KLF9: variants seen among roughly 807,000 people sequenced by gnomAD.
KLF9 encodes the protein Krueppel-like factor 9.
A neutral mutation model predicts 17.3 loss-of-function variants in KLF9; 2 were observed. The ratio of observed to expected loss-of-function variants is 0.12; its 90% CI spans 0.05 to 0.36. The LOEUF (loss-of-function observed/expected upper bound fraction) is 0.36, where lower values mean the gene tolerates loss of function less well. KLF9 is among the 10% of genes least tolerant of loss of function. The pLI, the probability that KLF9 is intolerant of heterozygous loss-of-function variation, is 1.00. For synonymous variants in KLF9, 138 were observed against 139.2 expected, an observed-to-expected ratio of 0.99 and a Z score of 0.06; for missense variants, 226 against 333.2, an observed-to-expected ratio of 0.68 and a Z score of 2.51.
Position 70,387,723 on chromosome 9 carries a change from A to T in KLF9, c.*53T>A. On this transcript the variant is annotated 3_prime_UTR_variant, in exon 2 of 2. Coordinates refer to ENST00000377126, the MANE Select transcript of KLF9 (RefSeq NM_001206.4). Reference sequence around the variant, plus strand: ...AGTTTTCACGCGTCTGTTTCCTGGGAGTACTTTTCTCCTTTCGGGGTCCAT... The same window carrying T: ...AGTTTTCACGCGTCTGTTTCCTGGGTGTACTTTTCTCCTTTCGGGGTCCAT... 6.7e-7 allele frequency: 1 copy of T among 1,499,272 alleles called. No individual in the cohort carries two copies. The highest frequency in any genetic ancestry group is 9.3e-7 in the Non-Finnish European group (1 of 1,077,648). The allele number at this position is 1,499,272 out of a possible 1,614,324, so 92.9% of individuals were successfully genotyped here.
intron 1 of KLF9, among the ~76,000 whole-genome samples, chr9:70,388,563 AT>A (rs139527800): frequency 4.6e-5 from 7 of 152,082 alleles, no homozygotes; most frequent in African/African-American, 1.7e-4. Flanking sequence ...CCTGGAAAGT[AT>A]TTTTTCTGTT....
At position 70,407,999 on chromosome 9, in the gene KLF9, G is replaced by T. The variant is rs188493964; in HGVS notation, c.505+4860C>A. Among the ~76,000 whole-genome samples the T allele has an allele frequency of 7.9e-5, 12 of 152,236 alleles. No homozygotes were observed. In the East Asian group the frequency reaches 2.3e-3, roughly 29 times the overall value. The stretch of plus-strand genomic sequence containing the variant: ...ATTGGTTCTGTGACAGGTGAAAAAA[G>T]TCTTAGCTATTACAACGATTTGTCG... On this transcript the variant is annotated intron_variant, in intron 1 of 1. Coordinates refer to ENST00000377126, the MANE Select transcript of KLF9 (RefSeq NM_001206.4).
intron 1 of KLF9, among the ~76,000 whole-genome samples, chr9:70,401,395 T>A (rs1225154363): frequency 2.0e-5 from 3 of 151,350 alleles, no homozygotes; most frequent in African/African-American, 7.3e-5. Flanking sequence ...CTACTAAAAA[T>A]ACAAAAATTA....
intron 1 of KLF9, among the ~76,000 whole-genome samples, chr9:70,394,401 A>G (rs542015460): frequency 4.1e-4 from 62 of 152,238 alleles, no homozygotes; most frequent in Non-Finnish European, 7.3e-4. Context: ...ATCCCTAATA[A>G]AAGCTTTCAG....
In KLF9 at chr9:70,409,130, GTATACATATATA is replaced by G. The variant is rs1299481765; in HGVS notation, c.505+3717_505+3728del. 7.2e-4 allele frequency among the ~76,000 whole-genome samples: 38 copies of G among 52,992 alleles called. 2 individuals are homozygous for G. Among genetic ancestry groups the G allele is most frequent in the South Asian group, 4.2e-3 (7 of 1,660 alleles). 34.8% of individuals were successfully genotyped at this position (52,992 alleles called of 152,430 possible). ...TATATATATACATATATGTATATAT[GTATACATATATA>G]TGTATATGTATATATATACACATAT... On this transcript the variant is annotated intron_variant, in intron 1 of 1. Coordinates refer to ENST00000377126, the MANE Select transcript of KLF9 (RefSeq NM_001206.4).
In KLF9 at chr9:70,385,291, T is replaced by A. The variant is rs985199987; in HGVS notation, c.*2485A>T. ...AATCTAATTAGAATGCTGGTTCCTGTTTTGTGACATTTTAAAACAGGATTT... is the reference window on the plus strand; with the variant it reads ...AATCTAATTAGAATGCTGGTTCCTGATTTGTGACATTTTAAAACAGGATTT... On this transcript the variant is annotated 3_prime_UTR_variant, in exon 2 of 2. Transcript: ENST00000377126. The A allele has an allele frequency of 6.6e-6, 1 of 152,632 alleles. No individual in the cohort carries two copies. The highest frequency in any genetic ancestry group is 2.4e-5 in the African/African-American group (1 of 41,456). The allele number at this position is 152,632 out of a possible 1,614,324, so 9.5% of individuals were successfully genotyped here.
rs1230656032 is a variant in KLF9 at position 70,409,090 on chromosome 9, A to ATG, written c.505+3767_505+3768dup. Among the ~76,000 whole-genome samples the ATG allele has an allele frequency of 4.9e-3, 389 of 79,184 alleles. 12 individuals carry two copies. The highest frequency in any genetic ancestry group is 6.7e-3 in the Middle Eastern group (1 of 150). 51.9% of individuals were successfully genotyped at this position (79,184 alleles called of 152,430 possible). ...TATATGTGTATATATATACACATAT[A>ATG]TGTATATATATGTGTATATATATAC... is the stretch of plus-strand genomic sequence containing the variant. On this transcript the variant is annotated intron_variant, in intron 1 of 1. Transcript: ENST00000377126.
chr9:70,391,820 C>G (rs867430646), intron 1 of KLF9, among the ~76,000 whole-genome samples: 18 of 152,238 alleles, frequency 1.2e-4, no homozygotes, highest in Middle Eastern at 6.8e-3. Context: ...TATTTCATGA[C>G]AGGAGAAAGT....
At chr9:70,391,007 G>A (rs904317877) in intron 1 of KLF9, among the ~76,000 whole-genome samples, 1 of 152,096 alleles carries the variant, frequency 6.6e-6, no homozygotes, top group Admixed American at 6.6e-5. Flanking sequence ...TGCTTGTTAA[G>A]ACAAAAACTC....
chr9:70,412,950 G>A lies in KLF9; in HGVS notation c.414C>T (p.Ala138=), dbSNP rs1263129667. ...AGGGGCACTTGTGCCTCTTTTCGGA[G>A]GCGTGTTTCCCCTTCGCAGCCACTC... ...HPGVAAKGKH[A]SEKRHKCPYS... is the part of the protein sequence containing the mutation. Residue 138 remains alanine, a synonymous_variant, in exon 1 of 2, where the codon GCC becomes GCT. Coordinates refer to ENST00000377126, the MANE Select transcript of KLF9 (RefSeq NM_001206.4). The A allele has an allele frequency of 6.2e-7, 1 of 1,614,138 alleles. No homozygotes were observed. The highest frequency in any genetic ancestry group is 8.5e-7 in the Non-Finnish European group (1 of 1,180,014).
In KLF9 at chr9:70,409,173, T is replaced by TAC. The variant is rs2037290492; in HGVS notation, c.505+3685_505+3686insGT. ...ATGTATATATATACACATATATGTA[T>TAC]ATATATGTATACATATACATGTATA... On this transcript the variant is annotated intron_variant, in intron 1 of 1. Coordinates refer to ENST00000377126, the MANE Select transcript of KLF9 (RefSeq NM_001206.4). Among the ~76,000 whole-genome samples, 2 of 36,406 alleles carry TAC rather than the reference T, an allele frequency of 5.5e-5. 1 individual carries two copies. Among genetic ancestry groups the TAC allele is most frequent in the Non-Finnish European group, 1.7e-4 (2 of 11,670 alleles). 23.9% of individuals were successfully genotyped at this position (36,406 alleles called of 152,430 possible).
At chr9:70,409,574 G>A (rs1564089544) in intron 1 of KLF9, among the ~76,000 whole-genome samples, 2 of 152,058 alleles carry the variant, frequency 1.3e-5, no homozygotes, top group South Asian at 2.1e-4. Flanking sequence ...ACAAAGTCAG[G>A]AGACTTAGGA....
chr9:70,409,100 A>ATGTG (rs551462905), intron 1 of KLF9, among the ~76,000 whole-genome samples: 2 of 69,156 alleles, frequency 2.9e-5, no homozygotes, highest in Non-Finnish European at 8.0e-5. Context: ...ATGTATATAT[A>ATGTG]TGTGTATATA....
At chr9:70,394,295 T>TTATACACA (rs1263991736) in intron 1 of KLF9, among the ~76,000 whole-genome samples, 1 of 11,500 alleles carries the variant, frequency 8.7e-5, no homozygotes, top group Non-Finnish European at 1.9e-4. Context: ...ATTTAACAGC[T>TTATACACA]CATACACACA....
chr9:70,410,416 A>G (rs2037303093), intron 1 of KLF9, among the ~76,000 whole-genome samples: 1 of 151,692 alleles, frequency 6.6e-6, no homozygotes, highest in East Asian at 1.9e-4. Flanking sequence ...AGGACAAATC[A>G]GAACCCAGCT....
chr9:70,409,047 T>C (rs191315196), intron 1 of KLF9, among the ~76,000 whole-genome samples: 17 of 125,810 alleles, frequency 1.4e-4, no homozygotes, highest in African/African-American at 3.8e-4. Context: ...TGTATATATA[T>C]ATACATATAT....
chr9:70,412,993 A>C lies in KLF9; in HGVS notation c.371T>G (p.Leu124Arg). The change falls in exon 1 of 2, where the codon CTC (leucine) becomes CGC (arginine). Residue 124 changes from leucine (L) to arginine (R), a missense_variant. Coordinates refer to ENST00000377126, the MANE Select transcript of KLF9 (RefSeq NM_001206.4). ...AGCCACTCCAGGATGGAGGAGGGAG[A>C]GCGGGCTGGGCGCGCTGCCAGGATC... ...RQDPGSAPSP[L>R]SLLHPGVAAK... The C allele has an allele frequency of 6.2e-7, 1 of 1,613,880 alleles. No homozygotes were observed. The highest frequency in any genetic ancestry group is 8.5e-7 in the Non-Finnish European group (1 of 1,179,982).
Position 70,385,979 on chromosome 9 carries a change from G to C in KLF9, c.*1797C>G, listed in dbSNP as rs1236896946. ...TGTGCTAGTGATGGCTGTTGTATTGGAAGTTGGAGTCAGCCGTGACCCGCG... is the reference window on the plus strand; with the variant it reads ...TGTGCTAGTGATGGCTGTTGTATTGCAAGTTGGAGTCAGCCGTGACCCGCG... On this transcript the variant is annotated 3_prime_UTR_variant, in exon 2 of 2. Transcript: ENST00000377126. 6.6e-6 allele frequency: 1 copy of C among 152,250 alleles called. No homozygotes were observed. The highest frequency in any genetic ancestry group is 2.4e-5 in the African/African-American group (1 of 41,430). 9.4% of individuals were successfully genotyped at this position (152,250 alleles called of 1,614,324 possible).
intron 1 of KLF9, among the ~76,000 whole-genome samples, chr9:70,401,356 A>G (rs966157289): frequency 2.0e-5 from 3 of 151,862 alleles, no homozygotes; most frequent in Non-Finnish European, 4.4e-5. Flanking sequence ...CAGGAAAACC[A>G]GCCTGGCCAA....
Sources: gnomAD v4.1 joint callset for allele counts (sites outside exome capture counted in the v4.1 genomes callset) on GRCh38, gnomAD v4.1.1 for gene constraint, MANE v1.5 for transcripts, NCBI Gene and HGNC (gene_info 2026-07-23, HGNC 2026-07-21) for gene names.